ADARB1: variants seen among roughly 807,000 people sequenced by gnomAD.
ADARB1 encodes the protein double-stranded RNA-specific editase 1.
In ADARB1, 10 loss-of-function variants were observed where a neutral mutation model predicts 52.4. The observed-to-expected ratio is 0.19, with a 90% confidence interval of 0.12 to 0.32. The LOEUF (loss-of-function observed/expected upper bound fraction) is 0.32. Ranked by LOEUF, ADARB1 falls within the 10% of genes least tolerant of loss-of-function variation. The pLI is 1.00. For missense variants in ADARB1, 643 were observed against 922.3 expected, an observed-to-expected ratio of 0.70 and a Z score of 3.92; for synonymous variants, 349 against 371.1, an observed-to-expected ratio of 0.94 and a Z score of 0.68.
At chr21:45,113,794 C>T (rs1483146829) in intron 1 of ADARB1, among the ~76,000 whole-genome samples, 8 of 152,128 alleles carry the variant, frequency 5.3e-5, no homozygotes, top group Admixed American at 2.6e-4. Flanking sequence ...AGCCCAGTGA[C>T]CCCTCTTGGA....
rs578001182 is a variant in ADARB1, at chr21:45,120,145, C to A, written c.-219-8257C>A. On this transcript the variant is annotated intron_variant, in intron 1 of 10. Coordinates refer to ENST00000348831, the MANE Select transcript of ADARB1 (RefSeq NM_001112.4). ...TACCATGGACTAGCCCTTAGTTGCACTGAGAAAAGAAAGGCTATGAAATTT... is the reference window on the plus strand; with the variant it reads ...TACCATGGACTAGCCCTTAGTTGCAATGAGAAAAGAAAGGCTATGAAATTT... Among the ~76,000 whole-genome samples the A allele has an allele frequency of 9.9e-5, 15 of 152,258 alleles. No individual in the cohort carries two copies. The East Asian group carries it at 2.9e-3, about 29-fold the overall frequency.
At chr21:45,190,211 C>G (rs1219402410) in intron 8 of ADARB1, among the ~76,000 whole-genome samples, 2 of 152,096 alleles carry the variant, frequency 1.3e-5, no homozygotes, top group Non-Finnish European at 2.9e-5. Flanking sequence ...TTTTCCACCT[C>G]ATCAAGTCTT....
intron 8 of ADARB1, among the ~76,000 whole-genome samples, chr21:45,191,800 C>T (rs967022816): frequency 4.1e-5 from 6 of 145,462 alleles, no homozygotes; most frequent in African/African-American, 1.5e-4. Context: ...TCTGAAGTCT[C>T]TTCTGTGAGA....
At position 45,103,902 on chromosome 21, in the gene ADARB1, G is replaced by A. The variant is rs189814823; in HGVS notation, c.-219-24500G>A. ...AATAAATAATTATCCTGACTTTTGT[G>A]TAAGTGGTTCCACTAGTTTTCTTTG... On this transcript the variant is annotated intron_variant, in intron 1 of 10. Coordinates refer to ENST00000348831, the MANE Select transcript of ADARB1 (RefSeq NM_001112.4). Among the ~76,000 whole-genome samples, 478 of 152,242 alleles carry A rather than the reference G, an allele frequency of 3.1e-3. 4 individuals are homozygous for A. Among genetic ancestry groups the A allele is most frequent in the Middle Eastern group, 0.014 (4 of 294 alleles).
intron 2 of ADARB1, among the ~76,000 whole-genome samples, chr21:45,149,566 A>G (rs1457316484): frequency 1.3e-5 from 2 of 152,256 alleles, no homozygotes. Flanking sequence ...TGGTTTTTAT[A>G]TGAATTAATG....
chr21:45,197,360 C>A (rs555670177), intron 8 of ADARB1, among the ~76,000 whole-genome samples: 2 of 152,032 alleles, frequency 1.3e-5, no homozygotes, highest in South Asian at 4.2e-4. Flanking sequence ...ATTAGCCGGG[C>A]ATGGTGGCAC....
intron 2 of ADARB1, among the ~76,000 whole-genome samples, chr21:45,166,879 C>CT (rs11347593): frequency 6.6e-6 from 1 of 151,070 alleles, no homozygotes; most frequent in Non-Finnish European, 1.5e-5. Context: ...TCAAATAAGT[C>CT]TTTTTTTTTT....
intron 8 of ADARB1, among the ~76,000 whole-genome samples, chr21:45,197,287 G>A (rs941967726): frequency 6.6e-6 from 1 of 152,146 alleles, no homozygotes; most frequent in Non-Finnish European, 1.5e-5. Context: ...GGATCACAAG[G>A]TCAGGAGTTC....
chr21:45,109,285 CTTGTGCATATATGTGTGTGCACGT>C (rs1214371227), intron 1 of ADARB1, among the ~76,000 whole-genome samples: 8 of 145,634 alleles, frequency 5.5e-5, no homozygotes, highest in South Asian at 2.2e-4. Flanking sequence ...CGTGTGCGCG[CTTGTGCATATATGTGTGTGCACGT>C]GTGTGCGCGC....
At chr21:45,129,243 G>C (rs1444509203) in intron 2 of ADARB1, among the ~76,000 whole-genome samples, 1 of 151,966 alleles carries the variant, frequency 6.6e-6, no homozygotes, top group African/African-American at 2.4e-5. Context: ...AAAAAAAGAA[G>C]AACATTTCTT....
intron 1 of ADARB1, among the ~76,000 whole-genome samples, chr21:45,078,167 G>A (rs2086019358): frequency 2.0e-5 from 3 of 152,082 alleles, no homozygotes; most frequent in Admixed American, 6.5e-5. Flanking sequence ...TAGGTTTAAC[G>A]TCTTTGTGAT....
At chr21:45,216,553 G>C (rs1426660891) in intron 9 of ADARB1, among the ~76,000 whole-genome samples, 2 of 152,036 alleles carry the variant, frequency 1.3e-5, no homozygotes, top group African/African-American at 4.8e-5. Context: ...AGATCTTTCT[G>C]TTGTTGGTTT....
chr21:45,188,442 G>A (rs564805574), intron 8 of ADARB1, among the ~76,000 whole-genome samples: 2 of 152,194 alleles, frequency 1.3e-5, no homozygotes, highest in East Asian at 1.9e-4. Flanking sequence ...TTTGATTACT[G>A]ACCCAATATT....
intron 2 of ADARB1, chr21:45,137,090 G>C (rs545981800): frequency 6.6e-6 from 1 of 152,336 alleles, no homozygotes; most frequent in African/African-American, 2.4e-5. Flanking sequence ...GCTTTGCTGT[G>C]CTCTGAGCAT....
Position 45,176,275 on chromosome 21 carries a change from G to A in ADARB1, c.574G>A (p.Val192Met), listed in dbSNP as rs776314718. The change falls in exon 4 of 11, where the codon GTG becomes ATG. Residue 192 changes from valine to methionine, a missense_variant. Around this residue, in one of 2 missense-constraint regions of ADARB1, gnomAD observed 380 missense variants for 446.5 expected, o/e 0.85. Coordinates refer to ENST00000348831, the MANE Select transcript of ADARB1 (RefSeq NM_001112.4). The surrounding 1 kb of genome is among the most constrained non-coding windows in gnomAD (Gnocchi z 5.8). ...TPDKAEPPFY[V>M]GSNGDDSFSS... is the part of the protein sequence containing the mutation. The stretch of plus-strand genomic sequence containing the variant: ...TGACAAGGCGGAGCCTCCCTTTTAC[G>A]TGGGCTCCAATGGGGATGACTCCTT... The A allele has an allele frequency of 8.7e-6, 14 of 1,613,984 alleles. No individual in the cohort carries two copies. Among genetic ancestry groups the A allele is most frequent in the Admixed American group, 5.0e-5 (3 of 60,002 alleles).
At chr21:45,148,148 C>T (rs533937459) in intron 2 of ADARB1, among the ~76,000 whole-genome samples, 57 of 152,332 alleles carry the variant, frequency 3.7e-4, no homozygotes, top group African/African-American at 1.3e-3. Flanking sequence ...TGGGGGCAGC[C>T]TTTGCAGACA....
chr21:45,109,281 C>T lies in ADARB1; in HGVS notation c.-219-19121C>T, dbSNP rs536782732. 4.7e-5 allele frequency among the ~76,000 whole-genome samples: 7 copies of T among 148,968 alleles called. No individual in the cohort carries two copies. In the South Asian group the frequency reaches 8.4e-4, roughly 18 times the overall value. ...TATGTGTGTGCACTGCGCGCGTGTGCGCGCTTGTGCATATATGTGTGTGCA... is the reference window on the plus strand; with the variant it reads ...TATGTGTGTGCACTGCGCGCGTGTGTGCGCTTGTGCATATATGTGTGTGCA... On this transcript the variant is annotated intron_variant, in intron 1 of 10. Coordinates refer to ENST00000348831, the MANE Select transcript of ADARB1 (RefSeq NM_001112.4).
chr21:45,215,698 C>T (rs1306308425), intron 9 of ADARB1, among the ~76,000 whole-genome samples: 5 of 152,054 alleles, frequency 3.3e-5, no homozygotes, highest in African/African-American at 7.2e-5. Context: ...TTGGGATAAA[C>T]GTTATATGGT....
chr21:45,094,216 G>T (rs531599032), intron 1 of ADARB1, among the ~76,000 whole-genome samples: 5 of 152,282 alleles, frequency 3.3e-5, no homozygotes, highest in African/African-American at 9.6e-5. Flanking sequence ...GCAAGCAGTT[G>T]TCTGTTAAAG....
Sources: gnomAD v4.1 joint callset for allele counts (sites outside exome capture counted in the v4.1 genomes callset) on GRCh38, gnomAD v4.1.1 for gene constraint, gnomAD v4.1.1 regional missense constraint, Gnocchi (gnomAD v3.1) non-coding constraint, MANE v1.5 for transcripts, NCBI Gene and HGNC (gene_info 2026-07-23, HGNC 2026-07-21) for gene names.